The following LPP variants were observed in gnomAD, a reference collection of about 807,000 sequenced individuals.
LPP encodes LIM domain containing preferred translocation partner in lipoma, also known as lipoma-preferred partner.
Under a neutral mutation model 60.4 loss-of-function variants are expected in LPP, and 38 were observed. That is an observed-to-expected ratio of 0.63 (90% CI 0.49 to 0.83). The LOEUF (loss-of-function observed/expected upper bound fraction) is 0.83. LPP is among the 40% of genes least tolerant of loss of function. The probability of loss-of-function intolerance (pLI) is 0.00; values close to 1 mark genes in which losing one functional copy is unlikely to be tolerated. For missense variants in LPP, 902 were observed against 783.6 expected (o/e 1.15, Z -1.80); for synonymous variants, 328 against 290.8 (o/e 1.13, Z -1.30).
intron 7 of LPP, among the ~76,000 whole-genome samples, chr3:188,613,076 C>G (rs909880985): frequency 9.9e-5 from 15 of 151,912 alleles, no homozygotes; most frequent in African/African-American, 3.6e-4. Context: ...GAGCAGAGTT[C>G]CTTGAAAAAT....
chr3:188,837,845 A>G (rs1577891839), intron 9 of LPP, among the ~76,000 whole-genome samples: 1 of 152,184 alleles, frequency 6.6e-6, no homozygotes, highest in Non-Finnish European at 1.5e-5. Context: ...ATGAAATGAG[A>G]CAGCCCTTGC....
intron 7 of LPP, among the ~76,000 whole-genome samples, chr3:188,637,896 C>G (rs1430445406): frequency 1.3e-5 from 2 of 150,548 alleles, no homozygotes; most frequent in Non-Finnish European, 3.0e-5. Context: ...AAAAAGAGTC[C>G]AGGACCAGAT....
chr3:188,795,707 A>G (rs567171129), intron 9 of LPP, among the ~76,000 whole-genome samples: 171 of 152,240 alleles, frequency 1.1e-3, no homozygotes, highest in African/African-American at 4.0e-3. Context: ...CATCATCATC[A>G]TCGTCATCAT....
chr3:188,295,802 T>C (rs1018484259), intron 2 of LPP, among the ~76,000 whole-genome samples: 2 of 152,212 alleles, frequency 1.3e-5, no homozygotes, highest in Non-Finnish European at 1.5e-5. Flanking sequence ...GCTTGGATTA[T>C]AGATATGAGC....
chr3:188,224,550 C>T (rs764874370), intron 1 of LPP, among the ~76,000 whole-genome samples: 3 of 152,008 alleles, frequency 2.0e-5, no homozygotes, highest in Non-Finnish European at 4.4e-5. Context: ...AGCTGAGGCT[C>T]GGTAATCTAT....
At chr3:188,465,270 G>A (rs1462512421) in intron 4 of LPP, among the ~76,000 whole-genome samples, 2 of 152,112 alleles carry the variant, frequency 1.3e-5, no homozygotes, top group Non-Finnish European at 2.9e-5. Context: ...TTGGCACCCA[G>A]GACCTGGTGT....
chr3:188,722,168 T>C (rs1402627805), intron 8 of LPP, among the ~76,000 whole-genome samples: 1 of 152,162 alleles, frequency 6.6e-6, no homozygotes, highest in East Asian at 1.9e-4. Flanking sequence ...AAAGTAGCTT[T>C]CAATGCCAGG....
At chr3:188,647,079 C>T (rs1404726420) in intron 7 of LPP, among the ~76,000 whole-genome samples, 1 of 152,256 alleles carries the variant, frequency 6.6e-6, no homozygotes, top group Admixed American at 6.5e-5. Flanking sequence ...TTCATCCACT[C>T]ACCCTTCTTC....
chr3:188,562,607 C>A (rs547314233), intron 6 of LPP, among the ~76,000 whole-genome samples: 2 of 151,978 alleles, frequency 1.3e-5, no homozygotes, highest in South Asian at 4.1e-4. Flanking sequence ...TGTCAGCCTG[C>A]CAGATGGATC....
intron 9 of LPP, among the ~76,000 whole-genome samples, chr3:188,807,147 A>G (rs1749406221): frequency 6.6e-6 from 1 of 151,762 alleles, no homozygotes; most frequent in Admixed American, 6.6e-5. Context: ...TATCACTTTT[A>G]AGATGTCACT....
intron 2 of LPP, among the ~76,000 whole-genome samples, chr3:188,314,371 A>G (rs1262672911): frequency 6.6e-6 from 1 of 152,090 alleles, no homozygotes. Context: ...GAAAGTAATC[A>G]TATATTCTAA....
intron 2 of LPP, among the ~76,000 whole-genome samples, chr3:188,299,264 C>G (rs1215903429): frequency 6.6e-6 from 1 of 152,180 alleles, no homozygotes; most frequent in Non-Finnish European, 1.5e-5. Context: ...CAGAATTGAT[C>G]TTACCAACTT....
intron 3 of LPP, among the ~76,000 whole-genome samples, chr3:188,346,849 C>T (rs1027765250): frequency 5.9e-5 from 9 of 152,082 alleles, no homozygotes; most frequent in East Asian, 1.9e-4. Context: ...GGATTTTCCC[C>T]GTAGTCACCT....
intron 7 of LPP, among the ~76,000 whole-genome samples, chr3:188,649,992 A>G (rs547268443): frequency 1.3e-5 from 2 of 149,468 alleles, no homozygotes; most frequent in Admixed American, 6.6e-5. Context: ...AGCTAAAGCT[A>G]TCTATCTATC....
At chr3:188,734,462 T>G (rs1235910965) in intron 8 of LPP, among the ~76,000 whole-genome samples, 2 of 152,236 alleles carry the variant, frequency 1.3e-5, no homozygotes. Context: ...TAACTTGCTA[T>G]TTGTGAAGCT....
chr3:188,643,516 G>A (rs1232586479), intron 7 of LPP, among the ~76,000 whole-genome samples: 1 of 152,172 alleles, frequency 6.6e-6, no homozygotes, highest in Non-Finnish European at 1.5e-5. Flanking sequence ...GAAGCTCTCT[G>A]ATACTCTTAC....
At chr3:188,356,686 G>A (rs1014457857) in intron 3 of LPP, among the ~76,000 whole-genome samples, 1 of 152,128 alleles carries the variant, frequency 6.6e-6, no homozygotes, top group African/African-American at 2.4e-5. Context: ...CACTATGGAA[G>A]TTCTTTCCGT....
chr3:188,636,526 A>C (rs1000268156), intron 7 of LPP, among the ~76,000 whole-genome samples: 2 of 152,296 alleles, frequency 1.3e-5, no homozygotes, highest in Middle Eastern at 3.4e-3. Context: ...CAAAGCAGCC[A>C]GGAAGCTCGA....
intron 9 of LPP, among the ~76,000 whole-genome samples, chr3:188,815,625 A>C (rs915132360): frequency 5.9e-5 from 9 of 152,136 alleles, no homozygotes; most frequent in Non-Finnish European, 1.3e-4. Flanking sequence ...GGGAAAAAAA[A>C]AATGTTTTCC....
Sources: gnomAD v4.1 joint callset for allele counts (sites outside exome capture counted in the v4.1 genomes callset) on GRCh38, gnomAD v4.1.1 for gene constraint, MANE v1.5 for transcripts, NCBI Gene and HGNC (gene_info 2026-07-23, HGNC 2026-07-21) for gene names.